Variants in FBXO6 observed in about 807,000 individuals in gnomAD.
FBXO6 encodes the protein F-box only protein 6.
FBXO6 carries 13 observed loss-of-function variants against 25.0 expected under a neutral mutation model. The ratio of observed to expected loss-of-function variants is 0.52; its 90% confidence interval spans 0.34 to 0.83. The LOEUF (loss-of-function observed/expected upper bound fraction) is 0.83. Ranked by LOEUF, FBXO6 falls within the 40% of genes least tolerant of loss-of-function variation. FBXO6 has a pLI of 0.02. For missense variants in FBXO6, 370 were observed against 380.2 expected, an observed-to-expected ratio of 0.97 and a Z score of 0.22; for synonymous variants, 138 against 155.3, an observed-to-expected ratio of 0.89 and a Z score of 0.83.
At chr1:11,667,341 C>G (rs1356903220) in intron 1 of FBXO6, among the ~76,000 whole-genome samples, 2 of 152,106 alleles carry the variant, frequency 1.3e-5, no homozygotes, top group Non-Finnish European at 1.5e-5. Context: ...CCAGGTGCCC[C>G]CAGGTAACAG....
At chr1:11,669,620 G>A (rs1023220560) in intron 2 of FBXO6, among the ~76,000 whole-genome samples, 12 of 142,590 alleles carry the variant, frequency 8.4e-5, no homozygotes, top group East Asian at 2.0e-4. Context: ...ATACATATAC[G>A]TATATACACA....
rs1640331869 is a variant in FBXO6, at chr1:11,664,249, A to T, written c.-10A>T. 1.3e-5 allele frequency: 2 copies of T among 151,242 alleles called. No individual in the cohort carries two copies. Among genetic ancestry groups the T allele is most frequent in the South Asian group, 4.2e-4 (2 of 4,806 alleles). 9.4% of individuals were successfully genotyped at this position (151,242 alleles called of 1,614,324 possible). A position where few individuals can be genotyped will look rare whatever the true frequency, so the allele number is the denominator to read the frequency against. ...CGCAGCGAGGGCCCGGGCCCTGGGG[A>T]TCCCAGGTTCGTCTTCCCGCGGCGA... is the stretch of plus-strand genomic sequence containing the variant. On this transcript the variant is annotated 5_prime_UTR_variant, in exon 1 of 6. Coordinates refer to ENST00000376753, the MANE Select transcript of FBXO6 (RefSeq NM_018438.6).
intron 3 of FBXO6, 57 bp from the exon 4 acceptor site, chr1:11,671,870 AG>A (rs3215521): frequency 0.32 from 455,216 of 1,422,240 alleles, 82,688 homozygotes; most frequent in African/African-American, 0.84. Flanking sequence ...GGCCTGGGTG[AG>A]GGGGGGGGCC....
chr1:11,666,035 CTCTTTT>C (rs1346206362), intron 1 of FBXO6, among the ~76,000 whole-genome samples: 1 of 106,726 alleles, frequency 9.4e-6, no homozygotes. Flanking sequence ...TTTTTCTTTT[CTCTTTT>C]TTTTTTTTTT....
At chr1:11,669,618 A>G (rs1372416758) in intron 2 of FBXO6, among the ~76,000 whole-genome samples, 1 of 151,478 alleles carries the variant, frequency 6.6e-6, no homozygotes, top group Non-Finnish European at 1.5e-5. Flanking sequence ...GTATACATAT[A>G]CGTATATACA....
rs1640715857 is a variant in FBXO6 at position 11,674,319 on chromosome 1, T to C, written c.*468T>C. 6.6e-6 allele frequency: 1 copy of C among 152,102 alleles called. No homozygotes were observed. The highest frequency in any genetic ancestry group is 1.5e-5 in the Non-Finnish European group (1 of 68,184). The allele number at this position is 152,102 out of a possible 1,614,324, so 9.4% of individuals were successfully genotyped here. On this transcript the variant is annotated 3_prime_UTR_variant, in exon 6 of 6. Transcript: ENST00000376753. This position sits in a 1 kb window ranked among gnomAD's most constrained non-coding sequence, Gnocchi z 6.1. Reference sequence around the variant, plus strand: ...ACTCTGGCTCATAAAATAATAATAATAATAAATAAATAAAAAATAAATGTT... The same window carrying C: ...ACTCTGGCTCATAAAATAATAATAACAATAAATAAATAAAAAATAAATGTT...
At chr1:11,670,752 C>T (rs376879960) in intron 2 of FBXO6, among the ~76,000 whole-genome samples, 101 of 152,226 alleles carry the variant, frequency 6.6e-4, no homozygotes, top group African/African-American at 1.9e-3. Flanking sequence ...CCACCGTGCC[C>T]GGCTTCACAT....
At chr1:11,669,054 C>A in intron 2 of FBXO6, 110 bp downstream of exon 2, 1 of 1,343,402 alleles carries the variant, frequency 7.4e-7, no homozygotes, top group Non-Finnish European at 1.0e-6. Flanking sequence ...CCCTAAACAC[C>A]CACCTCACTT....
chr1:11,671,610 T>C (rs368958030), intron 3 of FBXO6, among the ~76,000 whole-genome samples: 22 of 152,312 alleles, frequency 1.4e-4, no homozygotes, highest in African/African-American at 4.1e-4. Context: ...CAGGAGTCCA[T>C]TGGGCAGTTA....
rs913465318 is a variant in FBXO6 at position 11,673,046 on chromosome 1, A to C, written c.510-231A>C. Among the ~76,000 whole-genome samples, 2 of 152,206 alleles carry C rather than the reference A, an allele frequency of 1.3e-5. No individual in the cohort carries two copies. The highest frequency in any genetic ancestry group is 3.9e-4 in the East Asian group (2 of 5,186). On this transcript the variant is annotated intron_variant, in intron 4 of 5. Coordinates refer to ENST00000376753, the MANE Select transcript of FBXO6 (RefSeq NM_018438.6). The surrounding 1 kb of genome is among the most constrained non-coding windows in gnomAD (Gnocchi z 4.3). ...AGGTCATATCTTTAGTAGGATGCCC[A>C]AAAGGGTCCCTCTTCTCAGATGGGG...
intron 2 of FBXO6, 144 bp from the exon 3 acceptor site, chr1:11,671,122 A>T (rs1640604731): frequency 1.9e-6 from 2 of 1,026,488 alleles, no homozygotes; most frequent in Admixed American, 4.4e-5. Context: ...CCACAGCCGC[A>T]GAGACCTGAG....
chr1:11,665,805 C>T (rs748252091), intron 1 of FBXO6, among the ~76,000 whole-genome samples: 4 of 151,860 alleles, frequency 2.6e-5, no homozygotes, highest in Non-Finnish European at 4.4e-5. Context: ...GTGATCCGCC[C>T]GCCTCGGCCT....
rs188596674 is a variant in FBXO6 at position 11,667,295 on chromosome 1, T to C, written c.-3-1361T>C. Among the ~76,000 whole-genome samples, 161 of 152,236 alleles carry C rather than the reference T, an allele frequency of 1.1e-3. 1 individual carries two copies. Among genetic ancestry groups the C allele is most frequent in the African/African-American group, 3.7e-3 (155 of 41,554 alleles). On this transcript the variant is annotated intron_variant, in intron 1 of 5. Transcript: ENST00000376753. ...GGCTGCCGGCCAACCCCCACCTACC[T>C]GGGGCAAGTACCTGGGATCCCCTTA...
chr1:11,674,261 G>A lies in FBXO6; in HGVS notation c.*410G>A, dbSNP rs1166578593. On this transcript the variant is annotated 3_prime_UTR_variant, in exon 6 of 6. Transcript: ENST00000376753. This position sits in a 1 kb window ranked among gnomAD's most constrained non-coding sequence, Gnocchi z 6.1. ...AGAGCTTGCAGTGAGCCGAGATCAC[G>A]CCACTGCACTCCAGCCTGGGTGACA... 5 of 176,522 alleles carry A rather than the reference G, an allele frequency of 2.8e-5. No homozygotes were observed. The South Asian group carries it at 4.0e-4, about 14-fold the overall frequency. The allele number at this position is 176,522 out of a possible 1,614,324, so 10.9% of individuals were successfully genotyped here.
intron 2 of FBXO6, among the ~76,000 whole-genome samples, chr1:11,669,299 C>G (rs1469264763): frequency 2.0e-5 from 3 of 152,130 alleles, no homozygotes; most frequent in African/African-American, 7.2e-5. Context: ...AGCCCTGTCT[C>G]TACTAAAAAC....
chr1:11,670,373 C>T lies in FBXO6; in HGVS notation c.287-893C>T, dbSNP rs1050738373. Among the ~76,000 whole-genome samples the T allele has an allele frequency of 3.4e-4, 52 of 152,112 alleles. 2 individuals are homozygous for T. The highest frequency in any genetic ancestry group is 4.3e-4 in the Non-Finnish European group (29 of 68,020). On this transcript the variant is annotated intron_variant, in intron 2 of 5. Transcript: ENST00000376753. The stretch of plus-strand genomic sequence containing the variant: ...GGCCCACCCATGAATGTTACCACAG[C>T]GCCCAGCCCAAAGGGTACCTGTTCT...
At chr1:11,671,118 C>A in intron 2 of FBXO6, 148 bp from the exon 3 acceptor site, 1 of 978,798 alleles carries the variant, frequency 1.0e-6, no homozygotes, top group Non-Finnish European at 1.5e-6. Flanking sequence ...GTGTCCACAG[C>A]CGCAGAGACC....
rs773104067 is a variant in FBXO6 at position 11,668,788 on chromosome 1, T to C, written c.130T>C (p.Trp44Arg). The change falls in exon 2 of 6, where the codon TGG becomes CGG. Residue 44 changes from tryptophan (W) to arginine (R), a missense_variant. By Grantham distance (101) the Trp-to-Arg change is moderately radical. Coordinates refer to ENST00000376753, the MANE Select transcript of FBXO6 (RefSeq NM_018438.6). Reference protein sequence around the residue: ...LLNCRLVCSLWRDLIDLMTLW... With the variant: ...LLNCRLVCSLRRDLIDLMTLW... ...GAACTGCCGCCTGGTCTGCAGCCTC[T>C]GGCGGGACCTCATCGACCTCATGAC... 1 of 1,614,112 alleles carries C rather than the reference T, an allele frequency of 6.2e-7. No individual in the cohort carries two copies. Among genetic ancestry groups the C allele is most frequent in the South Asian group, 1.1e-5 (1 of 91,082 alleles).
At chr1:11,666,311 C>G (rs953453981) in intron 1 of FBXO6, among the ~76,000 whole-genome samples, 1 of 151,744 alleles carries the variant, frequency 6.6e-6, no homozygotes, top group African/African-American at 2.4e-5. Flanking sequence ...CCACTATGCC[C>G]GGCGAATTTT....
Sources: gnomAD v4.1 joint callset for allele counts (sites outside exome capture counted in the v4.1 genomes callset) on GRCh38, gnomAD v4.1.1 for gene constraint, Gnocchi (gnomAD v3.1) non-coding constraint, MANE v1.5 for transcripts, NCBI Gene and HGNC (gene_info 2026-07-23, HGNC 2026-07-21) for gene names.